The following CUL5 variants were observed in gnomAD, a reference collection of about 807,000 sequenced individuals.
CUL5 encodes the protein cullin-5.
In CUL5, 26 loss-of-function variants were observed where a neutral mutation model predicts 108.8. The ratio of observed to expected loss-of-function variants is 0.24; its 90% confidence interval spans 0.18 to 0.33. CUL5 has a LOEUF of 0.33. CUL5 is among the 10% of genes least tolerant of loss of function. The probability of loss-of-function intolerance (pLI) is 1.00; values close to 1 mark genes in which losing one functional copy is unlikely to be tolerated. For synonymous variants in CUL5, 334 were observed against 298.0 expected, an observed-to-expected ratio of 1.12 and a Z score of -1.25; for missense variants, 524 against 909.2, an observed-to-expected ratio of 0.58 and a Z score of 5.45.
rs947312276 is a variant in CUL5 at position 108,013,194 on chromosome 11, C to T, written c.24+3822C>T. ...TATGACATTCCCTCCTTGGTCTTCT[C>T]TCTCTCAAATCACGTTTGTTTTTCA... is the stretch of plus-strand genomic sequence containing the variant. On this transcript the variant is annotated intron_variant, in intron 1 of 18. Coordinates refer to ENST00000393094, the MANE Select transcript of CUL5 (RefSeq NM_003478.6). Among the ~76,000 whole-genome samples the T allele has an allele frequency of 5.9e-5, 9 of 152,108 alleles. 1 individual carries two copies. The highest frequency in any genetic ancestry group is 5.2e-4 in the Admixed American group (8 of 15,262).
In CUL5 at chr11:108,106,645, A is replaced by C. The variant is rs1355585021; in HGVS notation, c.*2261A>C. 1 of 150,342 alleles carries C rather than the reference A, an allele frequency of 6.7e-6. No homozygotes were observed. The highest frequency in any genetic ancestry group is 1.5e-5 in the Non-Finnish European group (1 of 67,638). The allele number at this position is 150,342 out of a possible 1,614,324, so 9.3% of individuals were successfully genotyped here. A position where few individuals can be genotyped will look rare whatever the true frequency, so the allele number is the denominator to read the frequency against. On this transcript the variant is annotated 3_prime_UTR_variant, in exon 19 of 19. Coordinates refer to ENST00000393094, the MANE Select transcript of CUL5 (RefSeq NM_003478.6). ...CCTATGCCATTGTTAAATTTTCTTT[A>C]AGTAATTTAACAACAGATTTGCTAA... is the stretch of plus-strand genomic sequence containing the variant.
intron 2 of CUL5, among the ~76,000 whole-genome samples, chr11:108,036,500 A>G (rs1282102788): frequency 2.6e-5 from 4 of 152,164 alleles, no homozygotes; most frequent in Non-Finnish European, 4.4e-5. Context: ...TATTATTGAG[A>G]CAGAGTCTTG....
At chr11:108,053,811 T>C (rs1863303602) in intron 5 of CUL5, among the ~76,000 whole-genome samples, 1 of 151,952 alleles carries the variant, frequency 6.6e-6, no homozygotes, top group Admixed American at 6.6e-5. Context: ...CCTGAGTAGC[T>C]GGGACTGCAG....
intron 18 of CUL5, among the ~76,000 whole-genome samples, chr11:108,100,977 G>A (rs560467626): frequency 2.6e-5 from 4 of 151,766 alleles, no homozygotes; most frequent in African/African-American, 7.3e-5. Context: ...TGCAGTGAGC[G>A]GAGATCGCGC....
At chr11:108,058,245 CTTTTTTT>C (rs771714382) in intron 7 of CUL5, among the ~76,000 whole-genome samples, 11 of 100,120 alleles carry the variant, frequency 1.1e-4, no homozygotes, top group Admixed American at 4.8e-4. Flanking sequence ...TGAAGAGTGC[CTTTTTTT>C]TTTTTTTTTT....
chr11:108,033,713 A>G (rs912380002), intron 1 of CUL5, 89 bp from the exon 2 acceptor site: 17 of 766,024 alleles, frequency 2.2e-5, no homozygotes, highest in Middle Eastern at 3.1e-4. Flanking sequence ...TGAGCCCTTC[A>G]TTTCTCTAGC....
chr11:108,043,393 C>G (rs1235267352), intron 2 of CUL5, among the ~76,000 whole-genome samples: 4 of 152,118 alleles, frequency 2.6e-5, no homozygotes, highest in African/African-American at 7.2e-5. Flanking sequence ...CTTTTAGACT[C>G]TAGATTCTTT....
At chr11:108,102,944 C>G (rs187046908) in intron 18 of CUL5, among the ~76,000 whole-genome samples, 1 of 151,368 alleles carries the variant, frequency 6.6e-6, no homozygotes, top group South Asian at 2.1e-4. Flanking sequence ...CACAGACACA[C>G]GCCACCATGC....
At chr11:108,053,592 T>G (rs1433332330) in intron 5 of CUL5, among the ~76,000 whole-genome samples, 1 of 152,184 alleles carries the variant, frequency 6.6e-6, no homozygotes, top group Non-Finnish European at 1.5e-5. Context: ...TTGCTGTTGT[T>G]TAACCCATAT....
At chr11:108,104,159 A>G (rs1864735246) in intron 18 of CUL5, 31 bp from the exon 19 acceptor site, 1 of 1,399,280 alleles carries the variant, frequency 7.1e-7, no homozygotes, top group Non-Finnish European at 9.8e-7. Context: ...TTCGTATATT[A>G]ATGCGCTTTT....
At chr11:108,044,893 C>T (rs1485041604) in intron 2 of CUL5, among the ~76,000 whole-genome samples, 1 of 152,076 alleles carries the variant, frequency 6.6e-6, no homozygotes, top group Non-Finnish European at 1.5e-5. Flanking sequence ...TCCCAAGTAG[C>T]TGGGATTACA....
Position 108,009,289 on chromosome 11 carries a change from G to A in CUL5, c.-60G>A. On this transcript the variant is annotated 5_prime_UTR_variant, in exon 1 of 19. Coordinates refer to ENST00000393094, the MANE Select transcript of CUL5 (RefSeq NM_003478.6). ...GGTGGGAGCTCCGGCCTCCGGTCAA[G>A]GCCTGGCCGGGAGCGCCACGAATTC... 1.2e-6 allele frequency: 2 copies of A among 1,602,342 alleles called. No homozygotes were observed. Among genetic ancestry groups the A allele is most frequent in the Non-Finnish European group, 1.7e-6 (2 of 1,171,134 alleles).
At chr11:108,049,647 A>G (rs72996496) in intron 3 of CUL5, among the ~76,000 whole-genome samples, 9,126 of 152,028 alleles carry the variant, frequency 0.06, 399 homozygotes, top group Non-Finnish European at 0.082. Context: ...TGGCCCATAT[A>G]TTGTTTATCC....
chr11:108,089,401 G>A, intron 12 of CUL5, 91 bp from the exon 13 acceptor site: 6 of 955,626 alleles, frequency 6.3e-6, no homozygotes, highest in Non-Finnish European at 9.2e-6. Context: ...AAAAGTTTCT[G>A]ACTTGTGACA....
chr11:108,102,131 C>T (rs548758091), intron 18 of CUL5, among the ~76,000 whole-genome samples: 20 of 152,180 alleles, frequency 1.3e-4, no homozygotes, highest in African/African-American at 3.6e-4. Context: ...AAATGATTCT[C>T]CTGCCTCGGA....
At chr11:108,053,909 G>C (rs1863307170) in intron 5 of CUL5, among the ~76,000 whole-genome samples, 1 of 151,836 alleles carries the variant, frequency 6.6e-6, no homozygotes, top group Non-Finnish European at 1.5e-5. Flanking sequence ...CTGAAGTGCA[G>C]TGGCATGCTC....
chr11:108,104,538 A>T lies in CUL5; in HGVS notation c.*154A>T. 1.9e-6 allele frequency: 1 copy of T among 521,772 alleles called. No homozygotes were observed. Among genetic ancestry groups the T allele is most frequent in the Non-Finnish European group, 3.3e-6 (1 of 299,518 alleles). 32.3% of individuals were successfully genotyped at this position (521,772 alleles called of 1,614,324 possible). A position where few individuals can be genotyped will look rare whatever the true frequency, so the allele number is the denominator to read the frequency against. On this transcript the variant is annotated 3_prime_UTR_variant, in exon 19 of 19. Coordinates refer to ENST00000393094, the MANE Select transcript of CUL5 (RefSeq NM_003478.6). The stretch of plus-strand genomic sequence containing the variant: ...TTACAAAAACAACTATATTTTGCCA[A>T]TCACATTAGTTAGCATGATGGCATT...
intron 11 of CUL5, among the ~76,000 whole-genome samples, chr11:108,082,798 A>G (rs1338641585): frequency 6.8e-6 from 1 of 146,742 alleles, no homozygotes; most frequent in Non-Finnish European, 1.5e-5. Context: ...ATGCCCGGCT[A>G]ATTTTTTTTT....
chr11:108,103,141 G>A (rs1254634318), intron 18 of CUL5, among the ~76,000 whole-genome samples: 1 of 151,940 alleles, frequency 6.6e-6, no homozygotes, highest in East Asian at 1.9e-4. Context: ...TACTGGAAAA[G>A]GTAAAAGAGA....
Sources: gnomAD v4.1 joint callset for allele counts (sites outside exome capture counted in the v4.1 genomes callset) on GRCh38, gnomAD v4.1.1 for gene constraint, MANE v1.5 for transcripts, NCBI Gene and HGNC (gene_info 2026-07-23, HGNC 2026-07-21) for gene names.